RORA: variants seen among roughly 807,000 people sequenced by gnomAD.
RORA encodes nuclear receptor ROR-alpha.
Under a neutral mutation model 69.5 loss-of-function variants are expected in RORA, and 7 were observed. The observed-to-expected ratio is 0.10, with a 90% CI of 0.06 to 0.19. The LOEUF is 0.19. Ranked by LOEUF, RORA falls within the 10% of genes least tolerant of loss-of-function variation. RORA has a pLI of 1.00. For synonymous variants in RORA, 261 were observed against 240.8 expected, an observed-to-expected ratio of 1.08 and a Z score of -0.78; for missense variants, 457 against 663.0, an observed-to-expected ratio of 0.69 and a Z score of 3.41.
intron 1 of RORA, among the ~76,000 whole-genome samples, chr15:60,776,088 G>C (rs1220154693): frequency 6.6e-6 from 1 of 152,168 alleles, no homozygotes; most frequent in Non-Finnish European, 1.5e-5. Context: ...TTTGTTGAAG[G>C]GAAGGTATTT....
intron 1 of RORA, among the ~76,000 whole-genome samples, chr15:61,084,043 T>G (rs759082321): frequency 2.0e-5 from 3 of 152,130 alleles, no homozygotes; most frequent in African/African-American, 4.8e-5. Flanking sequence ...ACCATGGAGA[T>G]TATTCCCTTA....
intron 1 of RORA, among the ~76,000 whole-genome samples, chr15:61,221,503 A>G (rs2140948008): frequency 6.6e-6 from 1 of 152,336 alleles, no homozygotes; most frequent in Non-Finnish European, 1.5e-5. Context: ...CATAGATTTT[A>G]AGCCCGTTTA....
At position 60,550,675 on chromosome 15, in the gene RORA, A is replaced by G. The variant is rs2067205574; in HGVS notation, c.197-18824T>C. 2.0e-5 allele frequency among the ~76,000 whole-genome samples: 3 copies of G among 152,334 alleles called. No individual in the cohort carries two copies. The South Asian group carries it at 6.2e-4, about 32-fold the overall frequency. ...TTAAGGCTTAAGGACACTAGGAGAA[A>G]GACATAAATAGAAGTATATATTATC... On this transcript the variant is annotated intron_variant, in intron 2 of 10. Transcript: ENST00000335670.
At chr15:60,906,676 T>C (rs529007060) in intron 1 of RORA, among the ~76,000 whole-genome samples, 1 of 152,204 alleles carries the variant, frequency 6.6e-6, no homozygotes, top group Non-Finnish European at 1.5e-5. Context: ...GCCAATCTAG[T>C]ACCCAGCCCT....
At position 61,147,436 on chromosome 15, in the gene RORA, G is replaced by C. The variant is rs1161677006; in HGVS notation, c.166+81617C>G. 2.0e-5 allele frequency among the ~76,000 whole-genome samples: 3 copies of C among 152,170 alleles called. No homozygotes were observed. The highest frequency in any genetic ancestry group is 2.0e-4 in the Admixed American group (3 of 15,282). ...AAGAGAGAGGTGGGTAACCCAACAG[G>C]TGCAATAGGACTCTGAAGAAGGAAT... is the stretch of plus-strand genomic sequence containing the variant. On this transcript the variant is annotated intron_variant, in intron 1 of 10. Transcript: ENST00000335670. The surrounding 1 kb of genome is among the most constrained non-coding windows in gnomAD (Gnocchi z 4.1).
chr15:60,992,405 C>A (rs1401341656), intron 1 of RORA, among the ~76,000 whole-genome samples: 1 of 152,072 alleles, frequency 6.6e-6, no homozygotes, highest in Non-Finnish European at 1.5e-5. Context: ...GGATAAAGGG[C>A]CTACACGACC....
intron 1 of RORA, among the ~76,000 whole-genome samples, chr15:60,819,604 G>A (rs1035060410): frequency 3.3e-5 from 5 of 152,184 alleles, no homozygotes; most frequent in South Asian, 2.1e-4. Flanking sequence ...GGCGCCCTTC[G>A]GAGGCTGGGG....
chr15:60,792,221 T>C (rs2072427736), intron 1 of RORA, among the ~76,000 whole-genome samples: 1 of 152,132 alleles, frequency 6.6e-6, no homozygotes, highest in African/African-American at 2.4e-5. Context: ...GTCAATGGAC[T>C]TGAAGATGAA....
At chr15:60,787,207 G>A (rs2072347374) in intron 1 of RORA, among the ~76,000 whole-genome samples, 1 of 152,226 alleles carries the variant, frequency 6.6e-6, no homozygotes, top group African/African-American at 2.4e-5. Context: ...AGAAGGCCCT[G>A]TTACTGCTCA....
At chr15:61,140,525 T>C (rs575082270) in intron 1 of RORA, among the ~76,000 whole-genome samples, 8 of 152,212 alleles carry the variant, frequency 5.3e-5, no homozygotes, top group Non-Finnish European at 1.0e-4. Flanking sequence ...AATGCCCCGA[T>C]CCAGAGCAAT....
At chr15:61,042,327 G>C (rs1262581030) in intron 1 of RORA, among the ~76,000 whole-genome samples, 3 of 152,092 alleles carry the variant, frequency 2.0e-5, no homozygotes, top group Non-Finnish European at 2.9e-5. Flanking sequence ...TGGTAACCTG[G>C]AACTGTTCCA....
intron 1 of RORA, among the ~76,000 whole-genome samples, chr15:60,754,168 A>G (rs1463076746): frequency 6.6e-6 from 1 of 152,242 alleles, no homozygotes; most frequent in African/African-American, 2.4e-5. Flanking sequence ...CCATATTCAC[A>G]ATATAGCATG....
chr15:60,550,196 C>CG (rs755908364), intron 2 of RORA, among the ~76,000 whole-genome samples: 1 of 152,182 alleles, frequency 6.6e-6, no homozygotes, highest in Non-Finnish European at 1.5e-5. Flanking sequence ...GAGGCTGAGG[C>CG]AGAGAATTTC....
intron 1 of RORA, among the ~76,000 whole-genome samples, chr15:61,126,635 CAGAT>C (rs2079144467): frequency 6.6e-6 from 1 of 152,080 alleles, no homozygotes; most frequent in Non-Finnish European, 1.5e-5. Context: ...TTGTAGATGC[CAGAT>C]AGAATATTCA....
intron 1 of RORA, among the ~76,000 whole-genome samples, chr15:60,895,826 T>G (rs1392490280): frequency 6.6e-6 from 1 of 152,210 alleles, no homozygotes; most frequent in African/African-American, 2.4e-5. Context: ...CTTGTTCCAC[T>G]TTTGGTCTCA....
At chr15:60,624,854 C>T (rs2069529799) in intron 2 of RORA, among the ~76,000 whole-genome samples, 1 of 152,072 alleles carries the variant, frequency 6.6e-6, no homozygotes, top group Admixed American at 6.6e-5. Flanking sequence ...CAAAGAAGCT[C>T]TGTAAATACT....
At chr15:60,675,650 A>C (rs568644702) in intron 2 of RORA, among the ~76,000 whole-genome samples, 1 of 152,336 alleles carries the variant, frequency 6.6e-6, no homozygotes, top group East Asian at 1.9e-4. Context: ...GAAGCTTAAC[A>C]GTCAAATTTC....
chr15:61,198,323 T>C (rs543578816), intron 1 of RORA, among the ~76,000 whole-genome samples: 1 of 152,256 alleles, frequency 6.6e-6, no homozygotes, highest in South Asian at 2.1e-4. Context: ...AATCCCACTT[T>C]AAATTTAGAT....
chr15:60,995,064 A>G (rs1595867034), intron 1 of RORA, among the ~76,000 whole-genome samples: 1 of 152,222 alleles, frequency 6.6e-6, no homozygotes, highest in Non-Finnish European at 1.5e-5. Context: ...AAAGATTGTT[A>G]TAAAAAGATT....
Sources: gnomAD v4.1 joint callset for allele counts (sites outside exome capture counted in the v4.1 genomes callset) on GRCh38, gnomAD v4.1.1 for gene constraint, Gnocchi (gnomAD v3.1) non-coding constraint, MANE v1.5 for transcripts, NCBI Gene and HGNC (gene_info 2026-07-23, HGNC 2026-07-21) for gene names.